APOLD1: variants seen among roughly 807,000 people sequenced by gnomAD.
APOLD1 encodes apolipoprotein L domain-containing protein 1.
A neutral mutation model predicts 15.3 loss-of-function variants in APOLD1; 22 were observed. The observed-to-expected ratio is 1.44, with a 90% CI of 1.03 to 2.05. APOLD1 has a LOEUF of 2.05. Ranked by LOEUF, APOLD1 falls within the 30% of genes most tolerant of loss-of-function variation. The pLI, the probability that APOLD1 is intolerant of heterozygous loss-of-function variation, is 0.00. For missense variants in APOLD1, 394 were observed against 353.5 expected, an observed-to-expected ratio of 1.11 and a Z score of -0.92; for synonymous variants, 190 against 167.4, an observed-to-expected ratio of 1.13 and a Z score of -1.04.
chr12:12,756,156 C>G (rs1329358473), intron 1 of APOLD1, among the ~76,000 whole-genome samples: 1 of 152,174 alleles, frequency 6.6e-6, no homozygotes, highest in Non-Finnish European at 1.5e-5. Flanking sequence ...ATTGAAGAAT[C>G]CTCTGTTAGA....
In APOLD1 at chr12:12,777,219, C is replaced by T. The variant is rs572857174; in HGVS notation, c.97-9690C>T. On this transcript the variant is annotated intron_variant, in intron 1 of 1. Coordinates refer to the APOLD1 transcript ENST00000326765. ...ACTTGAAAGCTGAAGGCCATTCACC[C>T]CTCTTCTCCCTGCCCAGTGCAGACA... 2.6e-5 allele frequency among the ~76,000 whole-genome samples: 4 copies of T among 152,272 alleles called. No individual in the cohort carries two copies. The South Asian group carries it at 8.3e-4, about 32-fold the overall frequency.
At chr12:12,744,307 TAAAAAAA>T (rs35191312) in intron 1 of APOLD1, among the ~76,000 whole-genome samples, 1 of 131,144 alleles carries the variant, frequency 7.6e-6, no homozygotes, top group Non-Finnish European at 1.6e-5. Context: ...AGACCCTGCT[TAAAAAAA>T]AAAAAAAAAA....
rs1226393217 is a variant in APOLD1, at chr12:12,787,638, G to A, written c.733G>A (p.Gly245Arg). Residue 245 changes from glycine to arginine, a missense_variant, in exon 2 of 2, where the codon GGG (glycine) becomes AGG (arginine). Coordinates refer to ENST00000356591, the MANE Select transcript of APOLD1 (RefSeq NM_030817.3). The surrounding 1 kb of genome is among the most constrained non-coding windows in gnomAD (Gnocchi z 4.9). ...CAAGATCTCTGCTGACCAGCGTGCA[G>A]GGCTGTTTTTCTGAGAACATCCTTT... ...DLKISADQRA[G>R]LFF 3 of 1,593,702 alleles carry A rather than the reference G, an allele frequency of 1.9e-6. No individual in the cohort carries two copies. In the African/African-American group the frequency reaches 4.0e-5, roughly 21 times the overall value.
intron 1 of APOLD1, among the ~76,000 whole-genome samples, chr12:12,747,102 C>T (rs1402365370): frequency 6.6e-6 from 1 of 152,094 alleles, no homozygotes; most frequent in Admixed American, 6.6e-5. Flanking sequence ...TTTAATTACC[C>T]ATGTAATAAT....
chr12:12,750,372 CAAA>C (rs34629361), intron 1 of APOLD1, among the ~76,000 whole-genome samples: 8 of 75,402 alleles, frequency 1.1e-4, no homozygotes, highest in East Asian at 7.8e-4. Flanking sequence ...GACTCTGTCT[CAAA>C]AAAAAAAAAA....
At chr12:12,752,439 C>T (rs1188214190) in intron 1 of APOLD1, among the ~76,000 whole-genome samples, 1 of 152,144 alleles carries the variant, frequency 6.6e-6, no homozygotes, top group East Asian at 1.9e-4. Flanking sequence ...GCTATATTCT[C>T]CTGTAGTTTT....
Position 12,787,449 on chromosome 12 carries a change from A to C in APOLD1, c.544A>C (p.Arg182=), listed in dbSNP as rs1201320363. 1 of 1,614,144 alleles carries C rather than the reference A, an allele frequency of 6.2e-7. No homozygotes were observed. The change falls in exon 2 of 2, where the codon AGG becomes CGG. Residue 182 remains arginine (R), a synonymous_variant. Coordinates refer to ENST00000356591, the MANE Select transcript of APOLD1 (RefSeq NM_030817.3). This position sits in a 1 kb window ranked among gnomAD's most constrained non-coding sequence, Gnocchi z 4.9. ...TGGCTCACGTGGCTTCCTCATCCCCAGGCGGGCGGAGGGGGACACCAAGGT... is the reference window on the plus strand; with the variant it reads ...TGGCTCACGTGGCTTCCTCATCCCCCGGCGGGCGGAGGGGGACACCAAGGT... The part of the protein sequence containing the change: ...FFGSRGFLIP[R]RAEGDTKVSQ...
chr12:12,745,721 T>G (rs1033913386), intron 1 of APOLD1, among the ~76,000 whole-genome samples: 1 of 152,128 alleles, frequency 6.6e-6, no homozygotes, highest in African/African-American at 2.4e-5. Context: ...GTGCTGAGAT[T>G]GGCCTCAAGG....
chr12:12,773,177 C>A (rs999730079), intron 1 of APOLD1, among the ~76,000 whole-genome samples: 2 of 152,068 alleles, frequency 1.3e-5, no homozygotes, highest in African/African-American at 2.4e-5. Flanking sequence ...GCATTGAATG[C>A]GTATATTTGA....
At chr12:12,727,969 A>G (rs58336766) in intron 1 of APOLD1, among the ~76,000 whole-genome samples, 25,889 of 150,590 alleles carry the variant, frequency 0.17, 2,483 homozygotes, top group Admixed American at 0.26. Context: ...TTAATTAATT[A>G]ATTAATTTTT....
chr12:12,776,972 T>C (rs942035806), intron 1 of APOLD1, among the ~76,000 whole-genome samples: 10 of 152,328 alleles, frequency 6.6e-5, no homozygotes, highest in African/African-American at 2.4e-4. Context: ...ATTATATTCA[T>C]CTGAAGAAGA....
intron 1 of APOLD1, among the ~76,000 whole-genome samples, chr12:12,746,913 G>C (rs909161385): frequency 1.3e-5 from 2 of 151,992 alleles, no homozygotes; most frequent in South Asian, 4.1e-4. Flanking sequence ...CTGTTCCTGC[G>C]TTAATTTGCT....
intron 1 of APOLD1, among the ~76,000 whole-genome samples, chr12:12,749,979 C>G (rs1946797378): frequency 6.6e-6 from 1 of 152,068 alleles, no homozygotes; most frequent in African/African-American, 2.4e-5. Flanking sequence ...GGAAATGCCC[C>G]CATTCCAATG....
At chr12:12,732,652 G>A (rs959263827) in intron 1 of APOLD1, among the ~76,000 whole-genome samples, 1 of 150,900 alleles carries the variant, frequency 6.6e-6, no homozygotes, top group Non-Finnish European at 1.5e-5. Flanking sequence ...TTAAACCTGG[G>A]AGGCGGAGGT....
upstream of APOLD1, among the ~76,000 whole-genome samples, chr12:12,784,116 T>C (rs141207005): frequency 1.3e-5 from 2 of 152,344 alleles, no homozygotes; most frequent in African/African-American, 4.8e-5. Flanking sequence ...CTTCTGGTTC[T>C]TCATCCCACC....
chr12:12,764,800 G>A (rs1470241684), intron 1 of APOLD1: 20 of 393,926 alleles, frequency 5.1e-5, no homozygotes, highest in Admixed American at 4.9e-4. Context: ...TGCCAGTGAA[G>A]AGTAAGGAAG....
chr12:12,778,252 C>A lies in APOLD1; in HGVS notation c.97-8657C>A, dbSNP rs183387886. ...GCCAGGAAAGCATCCTGACAATGAT[C>A]TGATGGTTTACATTTCTTCTGCTTG... On this transcript the variant is annotated intron_variant, in intron 1 of 1. Coordinates refer to the APOLD1 transcript ENST00000326765. Among the ~76,000 whole-genome samples, 11 of 151,284 alleles carry A rather than the reference C, an allele frequency of 7.3e-5. No homozygotes were observed. In the East Asian group the frequency reaches 2.0e-3, roughly 27 times the overall value.
intron 1 of APOLD1, among the ~76,000 whole-genome samples, chr12:12,774,702 T>G (rs1011454355): frequency 9.9e-5 from 15 of 151,460 alleles, no homozygotes; most frequent in African/African-American, 2.9e-4. Flanking sequence ...TGAAAAGACG[T>G]CCCAAATCAT....
At chr12:12,725,996 C>A in exon 1 of APOLD1, 1 of 1,504,658 alleles carries the variant, frequency 6.6e-7, no homozygotes, top group Non-Finnish European at 8.9e-7. Flanking sequence ...CCAACTCGTT[C>A]ACGGATGTTC....
Sources: allele counts gnomAD v4.1 joint callset (sites outside exome capture counted in the v4.1 genomes callset), GRCh38; gene constraint gnomAD v4.1.1; non-coding constraint Gnocchi (gnomAD v3.1); transcripts MANE v1.5; gene names NCBI Gene and HGNC (gene_info 2026-07-23, HGNC 2026-07-21).